The following SPAG16 variants were observed in gnomAD, a reference collection of about 807,000 sequenced individuals.
SPAG16 encodes the protein sperm associated antigen 16.
SPAG16 carries 86 observed loss-of-function variants against 80.4 expected under a neutral mutation model. That is an observed-to-expected ratio of 1.07 (90% CI 0.90 to 1.28). SPAG16 has a LOEUF of 1.28. Ranked by LOEUF, SPAG16 falls within the 50% of genes most tolerant of loss-of-function variation. The pLI, the probability that SPAG16 is intolerant of heterozygous loss-of-function variation, is 0.00. For missense variants in SPAG16, 870 were observed against 765.3 expected (o/e 1.14, Z -1.61); for synonymous variants, 294 against 265.9 (o/e 1.11, Z -1.03).
At chr2:214,186,377 A>G (rs2057474506) in intron 15 of SPAG16, among the ~76,000 whole-genome samples, 1 of 152,174 alleles carries the variant, frequency 6.6e-6, no homozygotes, top group African/African-American at 2.4e-5. Flanking sequence ...TTCTAAGCAA[A>G]TAAAGACTCC....
intron 5 of SPAG16, among the ~76,000 whole-genome samples, chr2:213,333,023 C>CA (rs1480203327): frequency 1.3e-5 from 2 of 151,818 alleles, no homozygotes; most frequent in African/African-American, 4.8e-5. Context: ...AGCAATCAGA[C>CA]AAGAGAAGGA....
At chr2:213,851,880 C>T (rs1163555830) in intron 10 of SPAG16, among the ~76,000 whole-genome samples, 2 of 152,150 alleles carry the variant, frequency 1.3e-5, no homozygotes, top group Non-Finnish European at 2.9e-5. Flanking sequence ...TGCTACTTTC[C>T]AGATCCTAAT....
chr2:214,197,997 A>C (rs2057895557), intron 15 of SPAG16, among the ~76,000 whole-genome samples: 1 of 152,006 alleles, frequency 6.6e-6, no homozygotes, highest in South Asian at 2.1e-4. Flanking sequence ...TTTTGTAATC[A>C]ATGACTCCAC....
chr2:214,099,196 G>A (rs11688955), intron 13 of SPAG16, among the ~76,000 whole-genome samples: 24,119 of 152,030 alleles, frequency 0.16, 2,653 homozygotes, highest in Non-Finnish European at 0.24. Flanking sequence ...AGAACACTGA[G>A]TCTTTTCCTG....
intron 12 of SPAG16, among the ~76,000 whole-genome samples, chr2:213,986,908 A>C (rs1034450109): frequency 2.0e-5 from 3 of 150,866 alleles, no homozygotes; most frequent in African/African-American, 7.3e-5. Flanking sequence ...AAAAAAAAAA[A>C]AAAAAAAAAA....
intron 10 of SPAG16, among the ~76,000 whole-genome samples, chr2:213,492,119 A>G (rs532876977): frequency 2.3e-4 from 35 of 152,328 alleles, no homozygotes; most frequent in African/African-American, 8.4e-4. Flanking sequence ...TCCCAAACAC[A>G]TGGCAAAAGT....
intron 10 of SPAG16, among the ~76,000 whole-genome samples, chr2:213,766,123 G>T (rs920620807): frequency 6.6e-6 from 1 of 152,176 alleles, no homozygotes; most frequent in Non-Finnish European, 1.5e-5. Context: ...TAAGAAACTG[G>T]CTTCCACATG....
At chr2:213,603,999 C>T (rs2061163934) in intron 10 of SPAG16, among the ~76,000 whole-genome samples, 1 of 151,700 alleles carries the variant, frequency 6.6e-6, no homozygotes, top group Non-Finnish European at 1.5e-5. Context: ...TCTTGGCTCA[C>T]TGTATCCTCT....
intron 9 of SPAG16, among the ~76,000 whole-genome samples, chr2:213,386,826 T>C (rs147141896): frequency 1.7e-3 from 261 of 152,322 alleles, no homozygotes; most frequent in African/African-American, 6.0e-3. Context: ...AGTCAGTGGA[T>C]TAGTCTTTGT....
intron 12 of SPAG16, among the ~76,000 whole-genome samples, chr2:213,939,404 T>C (rs2079112504): frequency 6.6e-6 from 1 of 152,204 alleles, no homozygotes; most frequent in Admixed American, 6.5e-5. Flanking sequence ...GATTAATTCC[T>C]TTCTGCTAGA....
At chr2:214,213,666 T>C (rs1048263271) in intron 15 of SPAG16, among the ~76,000 whole-genome samples, 2 of 152,218 alleles carry the variant, frequency 1.3e-5, no homozygotes, top group African/African-American at 2.4e-5. Flanking sequence ...TTTTGGAAAC[T>C]GTCCCCTGGA....
intron 13 of SPAG16, among the ~76,000 whole-genome samples, chr2:214,100,404 C>G (rs1191589918): frequency 5.3e-5 from 8 of 152,004 alleles, no homozygotes; most frequent in South Asian, 2.1e-4. Context: ...CTTTTAGGTT[C>G]AGGGGTACAT....
At chr2:213,618,610 C>T (rs2061673077) in intron 10 of SPAG16, among the ~76,000 whole-genome samples, 1 of 152,130 alleles carries the variant, frequency 6.6e-6, no homozygotes, top group Admixed American at 6.5e-5. Context: ...TCCATTCTAT[C>T]TTTAAACACA....
At chr2:213,511,972 A>T (rs760052123) in intron 10 of SPAG16, among the ~76,000 whole-genome samples, 3 of 152,074 alleles carry the variant, frequency 2.0e-5, no homozygotes, top group Non-Finnish European at 2.9e-5. Flanking sequence ...AACATTATAG[A>T]TGTCTAATTT....
rs377241615 is a variant in SPAG16 at position 214,345,741 on chromosome 2, A to G, written c.1721-64399A>G. On this transcript the variant is annotated intron_variant, in intron 15 of 15. Coordinates refer to ENST00000331683, the MANE Select transcript of SPAG16 (RefSeq NM_024532.5). Reference sequence around the variant, plus strand: ...CCAGAGGTAACCACTATGCTGACTGATAACACCATACGTTATTATTATATT... The same window carrying G: ...CCAGAGGTAACCACTATGCTGACTGGTAACACCATACGTTATTATTATATT... 3.9e-5 allele frequency among the ~76,000 whole-genome samples: 6 copies of G among 152,124 alleles called. No homozygotes were observed. In the South Asian group the frequency reaches 1.0e-3, roughly 26 times the overall value.
chr2:213,315,219 A>G (rs544408298), intron 4 of SPAG16, among the ~76,000 whole-genome samples: 3 of 151,988 alleles, frequency 2.0e-5, no homozygotes, highest in African/African-American at 7.2e-5. Context: ...GTAATTATTT[A>G]CAATCTGCAA....
intron 10 of SPAG16, among the ~76,000 whole-genome samples, chr2:213,792,576 CTTTTTTTTTT>C (rs11372174): frequency 1.3e-5 from 1 of 78,252 alleles, no homozygotes; most frequent in South Asian, 5.5e-4. Context: ...AAATGAGTAT[CTTTTTTTTTT>C]TTTTTTTTTT....
At chr2:214,284,813 G>A (rs1052387990) in intron 15 of SPAG16, among the ~76,000 whole-genome samples, 1 of 150,128 alleles carries the variant, frequency 6.7e-6, no homozygotes, top group Non-Finnish European at 1.5e-5. Flanking sequence ...GTGTGTGTGT[G>A]TGTGTGTGTG....
At chr2:213,772,551 G>A (rs886685594) in intron 10 of SPAG16, among the ~76,000 whole-genome samples, 6 of 152,010 alleles carry the variant, frequency 3.9e-5, no homozygotes, top group South Asian at 2.1e-4. Context: ...GTACTCTTGC[G>A]AAAAGAGTAC....
Sources: allele counts gnomAD v4.1 joint callset (sites outside exome capture counted in the v4.1 genomes callset), GRCh38; gene constraint gnomAD v4.1.1; transcripts MANE v1.5; gene names NCBI Gene and HGNC (gene_info 2026-07-23, HGNC 2026-07-21).